Variants in COMMD10 observed in about 807,000 individuals in gnomAD.
The protein encoded by COMMD10 is COMM domain containing 10.
Under a neutral mutation model 28.9 loss-of-function variants are expected in COMMD10, and 33 were observed. The observed-to-expected ratio is 1.14, with a 90% CI of 0.87 to 1.53. The LOEUF is 1.53. Among genes scored for constraint, COMMD10 ranks in the 40% most tolerant of loss-of-function variants. COMMD10 has a pLI of 0.00. For missense variants in COMMD10, 310 were observed against 233.4 expected (o/e 1.33, Z -2.14); for synonymous variants, 110 against 81.7 (o/e 1.35, Z -1.87).
chr5:116,240,389 A>G (rs556248271), intron 5 of COMMD10, among the ~76,000 whole-genome samples: 2 of 152,302 alleles, frequency 1.3e-5, no homozygotes, highest in Non-Finnish European at 2.9e-5. Context: ...TCCCAAGCAT[A>G]AAGATTAATT....
chr5:116,134,206 T>G, intron 5 of COMMD10, 28 bp downstream of exon 5: 2 of 1,323,636 alleles, frequency 1.5e-6, no homozygotes, highest in Non-Finnish European at 2.2e-6. Context: ...ATTAAAAGGA[T>G]GTATTTTGTT....
chr5:116,199,786 T>A (rs1477554452), intron 5 of COMMD10, among the ~76,000 whole-genome samples: 1 of 152,118 alleles, frequency 6.6e-6, no homozygotes, highest in Non-Finnish European at 1.5e-5. Context: ...ATAAACAGGG[T>A]CTCGCTATGT....
chr5:116,093,871 A>C (rs1208016736), intron 4 of COMMD10, among the ~76,000 whole-genome samples: 1 of 152,176 alleles, frequency 6.6e-6, no homozygotes, highest in Non-Finnish European at 1.5e-5. Context: ...AAGTAAACCC[A>C]TGTATTTATA....
chr5:116,229,560 A>G (rs1427762389), intron 5 of COMMD10, among the ~76,000 whole-genome samples: 1 of 152,016 alleles, frequency 6.6e-6, no homozygotes, highest in Non-Finnish European at 1.5e-5. Flanking sequence ...CTGTAGCGCA[A>G]CACTGTTAGC....
intron 5 of COMMD10, among the ~76,000 whole-genome samples, chr5:116,189,465 C>A (rs187892643): frequency 4.6e-5 from 7 of 152,212 alleles, no homozygotes; most frequent in Admixed American, 4.6e-4. Flanking sequence ...GGCTTCCTAA[C>A]CTTCTTTAGT....
At chr5:116,118,040 C>T (rs1751300284) in intron 4 of COMMD10, among the ~76,000 whole-genome samples, 1 of 152,118 alleles carries the variant, frequency 6.6e-6, no homozygotes, top group Non-Finnish European at 1.5e-5. Flanking sequence ...CTCCTCAGCC[C>T]ACAACCTACA....
chr5:116,088,902 A>T (rs1335688572), intron 2 of COMMD10, among the ~76,000 whole-genome samples: 1 of 152,198 alleles, frequency 6.6e-6, no homozygotes, highest in Non-Finnish European at 1.5e-5. Flanking sequence ...AAATATCTTG[A>T]GGATTATGTC....
chr5:116,168,115 C>T (rs1302204354), intron 5 of COMMD10, among the ~76,000 whole-genome samples: 1 of 64,080 alleles, frequency 1.6e-5, no homozygotes, highest in South Asian at 5.0e-4. Flanking sequence ...CACATAGGCT[C>T]AAAACAAATG....
intron 5 of COMMD10, among the ~76,000 whole-genome samples, chr5:116,215,695 A>AATATATATATATATAT (rs58135204): frequency 1.5e-5 from 2 of 133,824 alleles, no homozygotes; most frequent in African/African-American, 2.6e-5. Flanking sequence ...TAAAAAAAGA[A>AATATATATATATATAT]ATATATATAT....
chr5:116,193,426 A>T (rs1748425416), intron 5 of COMMD10, among the ~76,000 whole-genome samples: 1 of 152,184 alleles, frequency 6.6e-6, no homozygotes, highest in Admixed American at 6.6e-5. Context: ...CAGGAGACTC[A>T]CCTAACACCT....
At chr5:116,291,200 A>T (rs1751350316) in intron 5 of COMMD10, among the ~76,000 whole-genome samples, 1 of 152,212 alleles carries the variant, frequency 6.6e-6, no homozygotes, top group South Asian at 2.1e-4. Context: ...GCTGAGAAAG[A>T]TGAAATATAA....
At chr5:116,101,252 A>G (rs1364611013) in intron 4 of COMMD10, among the ~76,000 whole-genome samples, 1 of 152,156 alleles carries the variant, frequency 6.6e-6, no homozygotes, top group Admixed American at 6.5e-5. Context: ...CTCTGGGTAG[A>G]TGCCCCATTG....
intron 4 of COMMD10, among the ~76,000 whole-genome samples, chr5:116,124,703 T>C (rs554881192): frequency 7.2e-5 from 11 of 152,318 alleles, no homozygotes; most frequent in Non-Finnish European, 1.2e-4. Context: ...TATGGGAGTC[T>C]AAGTCTCTTT....
intron 5 of COMMD10, among the ~76,000 whole-genome samples, chr5:116,210,172 C>G (rs556335993): frequency 6.6e-6 from 1 of 152,134 alleles, no homozygotes; most frequent in African/African-American, 2.4e-5. Flanking sequence ...GTGGTATCCA[C>G]CTGACCTAAT....
rs189626754 is a variant in COMMD10, at chr5:116,260,401, T to G, written c.511-31116T>G. Among the ~76,000 whole-genome samples, 14 of 151,960 alleles carry G rather than the reference T, an allele frequency of 9.2e-5. No individual in the cohort carries two copies. The East Asian group carries it at 2.1e-3, about 23-fold the overall frequency. On this transcript the variant is annotated intron_variant, in intron 5 of 6. Transcript: ENST00000274458. ...TCATCCTGTTTAAGAACAACTTGCTTAAGGTGATATTTTTATTTCATGGTA... is the reference window on the plus strand; with the variant it reads ...TCATCCTGTTTAAGAACAACTTGCTGAAGGTGATATTTTTATTTCATGGTA...
chr5:116,126,782 G>T (rs985358778), intron 4 of COMMD10, among the ~76,000 whole-genome samples: 1 of 152,170 alleles, frequency 6.6e-6, no homozygotes, highest in Non-Finnish European at 1.5e-5. Flanking sequence ...ATTCAAGATA[G>T]TTTAAAGACT....
rs1748918156 is a variant in COMMD10 at position 116,210,020 on chromosome 5, T to C, written c.510+75842T>C. Among the ~76,000 whole-genome samples, 3 of 152,108 alleles carry C rather than the reference T, an allele frequency of 2.0e-5. No homozygotes were observed. In the South Asian group the frequency reaches 6.2e-4, roughly 32 times the overall value. The stretch of plus-strand genomic sequence containing the variant: ...TAAGGGCCTTCTTGCTGCATCATTA[T>C]GTGGCAGAAGGCATCACATGAAGAG... On this transcript the variant is annotated intron_variant, in intron 5 of 6. Transcript: ENST00000274458.
chr5:116,196,482 A>C (rs572254160), intron 5 of COMMD10, among the ~76,000 whole-genome samples: 8 of 150,086 alleles, frequency 5.3e-5, no homozygotes, highest in Non-Finnish European at 8.8e-5. Context: ...CCTGTACCCC[A>C]GTAACTTATG....
chr5:116,130,969 T>C (rs1751844808), intron 4 of COMMD10, among the ~76,000 whole-genome samples: 1 of 152,004 alleles, frequency 6.6e-6, no homozygotes. Flanking sequence ...TTGAGTAGTA[T>C]TTTCCAAAGA....
Sources: allele counts gnomAD v4.1 joint callset (sites outside exome capture counted in the v4.1 genomes callset), GRCh38; gene constraint gnomAD v4.1.1; transcripts MANE v1.5; gene names NCBI Gene and HGNC (gene_info 2026-07-23, HGNC 2026-07-21).